Variants in PRKN observed in about 807,000 individuals in gnomAD.
The protein encoded by PRKN is E3 ubiquitin-protein ligase parkin.
PRKN carries 56 observed loss-of-function variants against 59.5 expected under a neutral mutation model. That is an observed-to-expected ratio of 0.94 (90% confidence interval 0.76 to 1.18). PRKN has a LOEUF of 1.18. Among genes scored for constraint, PRKN ranks in the 50% most tolerant of loss-of-function variants. The pLI, the probability that PRKN is intolerant of heterozygous loss-of-function variation, is 0.00. For missense variants in PRKN, 657 were observed against 596.4 expected, an observed-to-expected ratio of 1.10 and a Z score of -1.06; for synonymous variants, 250 against 222.1, an observed-to-expected ratio of 1.13 and a Z score of -1.12.
At chr6:162,527,659 C>T (rs533928401) in intron 1 of PRKN, among the ~76,000 whole-genome samples, 15 of 152,294 alleles carry the variant, frequency 9.8e-5, no homozygotes, top group African/African-American at 3.6e-4. Flanking sequence ...CTGCTATCAG[C>T]TGATAAATAC....
At chr6:161,899,414 A>T (rs1181047005) in intron 6 of PRKN, among the ~76,000 whole-genome samples, 1 of 152,208 alleles carries the variant, frequency 6.6e-6, no homozygotes, top group East Asian at 1.9e-4. Context: ...GTCTTGGGAA[A>T]AACCAAAAAT....
In PRKN at chr6:161,400,059, T is replaced by A. The variant is rs1031876290; in HGVS notation, c.1084-13182A>T. Among the ~76,000 whole-genome samples the A allele has an allele frequency of 2.0e-5, 3 of 152,258 alleles. No homozygotes were observed. Among genetic ancestry groups the A allele is most frequent in the Middle Eastern group, 3.4e-3 (1 of 294 alleles). ...GCATCTCAGTTGGGACTAGCCCTAT[T>A]CTATGGGCTCAGGAGCCTCACGTGG... On this transcript the variant is annotated intron_variant, in intron 9 of 11. Transcript: ENST00000366898. This position sits in a 1 kb window ranked among gnomAD's most constrained non-coding sequence, Gnocchi z 4.2.
intron 1 of PRKN, among the ~76,000 whole-genome samples, chr6:162,573,839 C>T (rs1780447820): frequency 6.6e-6 from 1 of 152,166 alleles, no homozygotes; most frequent in South Asian, 2.1e-4. Context: ...TTATGTAACA[C>T]AAAGCTCGCT....
intron 2 of PRKN, among the ~76,000 whole-genome samples, chr6:162,409,814 G>T (rs550595926): frequency 2.6e-5 from 4 of 152,004 alleles, no homozygotes; most frequent in Non-Finnish European, 4.4e-5. Flanking sequence ...ATTCAAAGAC[G>T]AATTTAAAAT....
At chr6:162,335,572 A>G (rs1783806124) in intron 2 of PRKN, among the ~76,000 whole-genome samples, 1 of 152,112 alleles carries the variant, frequency 6.6e-6, no homozygotes, top group Non-Finnish European at 1.5e-5. Context: ...AATCACCACC[A>G]TTTTCTTAAA....
At chr6:162,439,334 C>A (rs1164628383) in intron 2 of PRKN, among the ~76,000 whole-genome samples, 1 of 118,954 alleles carries the variant, frequency 8.4e-6, no homozygotes, top group African/African-American at 4.2e-5. Context: ...TTCCTTTACC[C>A]CTCCCTTCTC....
chr6:162,714,313 C>A (rs766926514), intron 1 of PRKN, among the ~76,000 whole-genome samples: 7 of 152,198 alleles, frequency 4.6e-5, no homozygotes, highest in Non-Finnish European at 7.3e-5. Flanking sequence ...AGACTTCCTT[C>A]TTTGCTTTGC....
intron 5 of PRKN, among the ~76,000 whole-genome samples, chr6:162,024,070 TAG>T (rs1783318986): frequency 6.6e-6 from 1 of 152,078 alleles, no homozygotes; most frequent in South Asian, 2.1e-4. Context: ...ATTGAATCTG[TAG>T]ATTGTTTTGG....
At chr6:162,478,879 C>G (rs1189054752) in intron 1 of PRKN, among the ~76,000 whole-genome samples, 1 of 152,106 alleles carries the variant, frequency 6.6e-6, no homozygotes, top group African/African-American at 2.4e-5. Flanking sequence ...GGACACTCGT[C>G]TAGGAAACAT....
intron 1 of PRKN, among the ~76,000 whole-genome samples, chr6:162,455,292 C>A (rs1206559589): frequency 6.6e-6 from 1 of 152,184 alleles, no homozygotes; most frequent in Non-Finnish European, 1.5e-5. Context: ...CATCCATCCA[C>A]CTACTCCTCT....
chr6:162,400,231 C>CA (rs201273234), intron 2 of PRKN, among the ~76,000 whole-genome samples: 2,011 of 140,098 alleles, frequency 0.014, 16 homozygotes, highest in Middle Eastern at 0.071. Context: ...CAAACAACAA[C>CA]AAAAAAAAAA....
intron 3 of PRKN, among the ~76,000 whole-genome samples, chr6:162,261,575 T>A (rs2128099692): frequency 6.6e-6 from 1 of 152,192 alleles, no homozygotes; most frequent in East Asian, 1.9e-4. Flanking sequence ...ATTTATCTCA[T>A]TTTTCCCCAT....
intron 7 of PRKN, among the ~76,000 whole-genome samples, chr6:161,760,596 CCT>C (rs1375829711): frequency 6.6e-6 from 1 of 151,828 alleles, no homozygotes; most frequent in East Asian, 2.0e-4. Context: ...AGCGAGAGTC[CCT>C]GTTTCCCCCT....
chr6:161,372,345 G>A lies in PRKN; in HGVS notation c.1168-12140C>T, dbSNP rs1261051419. On this transcript the variant is annotated intron_variant, in intron 10 of 11. Transcript: ENST00000366898. The surrounding 1 kb of genome is among the most constrained non-coding windows in gnomAD (Gnocchi z 4.2). Reference sequence around the variant, plus strand: ...TCCACATAGATGGGATTCTGAATGCGGAATCATCACTAATAGGATGTGAGA... The same window carrying A: ...TCCACATAGATGGGATTCTGAATGCAGAATCATCACTAATAGGATGTGAGA... Among the ~76,000 whole-genome samples the A allele has an allele frequency of 6.6e-5, 10 of 152,244 alleles. No individual in the cohort carries two copies. The highest frequency in any genetic ancestry group is 2.6e-4 in the Admixed American group (4 of 15,302).
At chr6:162,560,105 G>A (rs1779773548) in intron 1 of PRKN, among the ~76,000 whole-genome samples, 1 of 152,026 alleles carries the variant, frequency 6.6e-6, no homozygotes, top group African/African-American at 2.4e-5. Flanking sequence ...ACTTATCAAC[G>A]ACATTAATAT....
intron 1 of PRKN, among the ~76,000 whole-genome samples, chr6:162,696,149 T>C (rs1250828032): frequency 6.6e-6 from 1 of 152,048 alleles, no homozygotes; most frequent in African/African-American, 2.4e-5. Flanking sequence ...AGGGCAAAAA[T>C]GAAAATCATT....
At chr6:162,461,525 A>AAAAG (rs1562782356) in intron 1 of PRKN, among the ~76,000 whole-genome samples, 13 of 147,504 alleles carry the variant, frequency 8.8e-5, no homozygotes, top group East Asian at 2.0e-4. Context: ...AAAAAAAAAA[A>AAAAG]AAAGAAAGAA....
chr6:162,517,689 C>A (rs936563926), intron 1 of PRKN, among the ~76,000 whole-genome samples: 1 of 151,994 alleles, frequency 6.6e-6, no homozygotes, highest in African/African-American at 2.4e-5. Context: ...TGGCAAGCAC[C>A]ATGCCTACTA....
chr6:162,454,863 G>A (rs146178015), intron 1 of PRKN, among the ~76,000 whole-genome samples: 10 of 152,354 alleles, frequency 6.6e-5, no homozygotes, highest in Non-Finnish European at 1.5e-4. Flanking sequence ...AACTGGGAAC[G>A]GGGAGCCTCT....
Sources: gnomAD v4.1 joint callset for allele counts (sites outside exome capture counted in the v4.1 genomes callset) on GRCh38, gnomAD v4.1.1 for gene constraint, Gnocchi (gnomAD v3.1) non-coding constraint, MANE v1.5 for transcripts, NCBI Gene and HGNC (gene_info 2026-07-23, HGNC 2026-07-21) for gene names.